AKAP13: variants seen among roughly 807,000 people sequenced by gnomAD.
AKAP13 encodes A-kinase anchoring protein 13.
In AKAP13, 80 loss-of-function variants were observed where a neutral mutation model predicts 264.5. The ratio of observed to expected loss-of-function variants is 0.30; its 90% CI spans 0.25 to 0.36. The LOEUF (loss-of-function observed/expected upper bound fraction) is 0.36. Among genes scored for constraint, AKAP13 ranks in the 10% least tolerant of loss-of-function variants. AKAP13 has a pLI of 1.00. For synonymous variants in AKAP13, 1,380 were observed against 1,250.2 expected, an observed-to-expected ratio of 1.10 and a Z score of -2.19; for missense variants, 3,712 against 3,435.2, an observed-to-expected ratio of 1.08 and a Z score of -2.01.
rs1280228094 is a variant in AKAP13 at position 85,746,209 on chromosome 15, C to T, written c.*1532C>T. ...TGCTTATTGATGAATTGCAAGCTGG[C>T]CTTGCAGATGGAGATATTTATCTTT... On this transcript the variant is annotated 3_prime_UTR_variant, in exon 37 of 37. Coordinates refer to ENST00000394518, the MANE Select transcript of AKAP13 (RefSeq NM_007200.5). 2.0e-5 allele frequency: 3 copies of T among 152,562 alleles called. No homozygotes were observed. Among genetic ancestry groups the T allele is most frequent in the Non-Finnish European group, 2.9e-5 (2 of 68,034 alleles). The allele number at this position is 152,562 out of a possible 1,614,324, so 9.5% of individuals were successfully genotyped here.
At chr15:85,554,343 TAGGAAGGACA>T (rs923113009) in intron 5 of AKAP13, among the ~76,000 whole-genome samples, 9 of 152,214 alleles carry the variant, frequency 5.9e-5, no homozygotes, top group African/African-American at 1.2e-4. Context: ...TTTGGAGAGC[TAGGAAGGACA>T]ATTCATTGGA....
chr15:85,681,795 T>A (rs1406114091), intron 14 of AKAP13, among the ~76,000 whole-genome samples: 1 of 151,920 alleles, frequency 6.6e-6, no homozygotes, highest in African/African-American at 2.4e-5. Flanking sequence ...TATTCTATAT[T>A]CTTCCTATGA....
At chr15:85,699,107 A>G (rs551608759) in intron 17 of AKAP13, among the ~76,000 whole-genome samples, 62 of 152,086 alleles carry the variant, frequency 4.1e-4, no homozygotes, top group African/African-American at 5.8e-4. Context: ...AACAATATAT[A>G]CAGCATGATC....
intron 13 of AKAP13, among the ~76,000 whole-genome samples, chr15:85,667,822 T>C (rs2083686334): frequency 6.6e-6 from 1 of 152,226 alleles, no homozygotes; most frequent in Non-Finnish European, 1.5e-5. Context: ...TTCTTAATAT[T>C]ATTTATGTGA....
chr15:85,511,943 C>G (rs978386035), intron 2 of AKAP13, among the ~76,000 whole-genome samples: 3 of 151,644 alleles, frequency 2.0e-5, no homozygotes, highest in African/African-American at 7.3e-5. Context: ...ATTCTTTTTC[C>G]TTCTTAGGAC....
intron 9 of AKAP13, among the ~76,000 whole-genome samples, chr15:85,641,123 C>G (rs1297252364): frequency 6.6e-6 from 1 of 152,030 alleles, no homozygotes. Context: ...CACACTTCCT[C>G]AAGAGAGCAA....
At chr15:85,594,397 C>T (rs929263185) in intron 8 of AKAP13, among the ~76,000 whole-genome samples, 2 of 152,152 alleles carry the variant, frequency 1.3e-5, no homozygotes, top group Non-Finnish European at 2.9e-5. Context: ...TACAGGTAAA[C>T]ATATAGGTGC....
intron 14 of AKAP13, among the ~76,000 whole-genome samples, chr15:85,673,008 G>A (rs554728093): frequency 6.6e-6 from 1 of 152,260 alleles, no homozygotes; most frequent in South Asian, 2.1e-4. Flanking sequence ...CTGCTTTCCA[G>A]CTTTTACCTG....
chr15:85,399,502 C>CAAAAAAAAAAAAAAAAAAAAAAA (rs71138392), intron 1 of AKAP13, among the ~76,000 whole-genome samples: 1 of 77,080 alleles, frequency 1.3e-5, no homozygotes, highest in Non-Finnish European at 2.4e-5. Flanking sequence ...GACTCCGTCT[C>CAAAAAAAAAAAAAAAAAAAAAAA]AAAAAAAAAA....
rs1302990069 is a variant in AKAP13 at position 85,387,552 on chromosome 15, C to T, written c.-12+6754C>T. Among the ~76,000 whole-genome samples the T allele has an allele frequency of 3.9e-5, 6 of 152,030 alleles. No homozygotes were observed. The East Asian group carries it at 5.8e-4, about 15-fold the overall frequency. The stretch of plus-strand genomic sequence containing the variant: ...GTTGCCCAGGCTGGCCTCAAACTCC[C>T]GGGATGAAGTGATCCTCCCACTGTG... On this transcript the variant is annotated intron_variant, in intron 1 of 36. Transcript: ENST00000394518.
intron 8 of AKAP13, among the ~76,000 whole-genome samples, chr15:85,593,608 A>G (rs1205031062): frequency 1.3e-5 from 2 of 151,540 alleles, no homozygotes; most frequent in Non-Finnish European, 2.9e-5. Context: ...ATGTTTTCCA[A>G]GGTGTTTTGT....
intron 10 of AKAP13, among the ~76,000 whole-genome samples, chr15:85,648,800 C>T (rs1003523022): frequency 6.6e-5 from 10 of 152,280 alleles, no homozygotes; most frequent in South Asian, 4.1e-4. Context: ...GATGGCACCA[C>T]TGCACTCCAG....
At chr15:85,707,840 C>T (rs2086394800) in intron 17 of AKAP13, among the ~76,000 whole-genome samples, 179 bp from the exon 18 acceptor site, 1 of 152,050 alleles carries the variant, frequency 6.6e-6, no homozygotes, top group Admixed American at 6.6e-5. Context: ...TTTTCCTCCT[C>T]CAAATAACAT....
intron 8 of AKAP13, among the ~76,000 whole-genome samples, chr15:85,633,653 C>G (rs964751371): frequency 2.0e-5 from 3 of 150,160 alleles, no homozygotes; most frequent in Admixed American, 6.7e-5. Flanking sequence ...ACGCCATTCT[C>G]CTGCCTCAGC....
rs2089351259 is a variant in AKAP13, at chr15:85,745,772, T to A, written c.*1095T>A. ...TTCAGGCGAAGGGTGAAGCCATGTGTAGCAGTTCCTGCCAGTGCAGATCTG... is the reference window on the plus strand; with the variant it reads ...TTCAGGCGAAGGGTGAAGCCATGTGAAGCAGTTCCTGCCAGTGCAGATCTG... On this transcript the variant is annotated 3_prime_UTR_variant, in exon 37 of 37. Coordinates refer to ENST00000394518, the MANE Select transcript of AKAP13 (RefSeq NM_007200.5). 6.6e-6 allele frequency: 1 copy of A among 152,304 alleles called. No homozygotes were observed. The highest frequency in any genetic ancestry group is 2.4e-5 in the African/African-American group (1 of 41,466). The allele number at this position is 152,304 out of a possible 1,614,324, so 9.4% of individuals were successfully genotyped here. A position where few individuals can be genotyped will look rare whatever the true frequency, so the allele number is the denominator to read the frequency against.
intron 8 of AKAP13, chr15:85,621,393 T>G (rs934704766): frequency 1.9e-4 from 29 of 152,240 alleles, no homozygotes; most frequent in African/African-American, 6.8e-4. Context: ...TCATTTTGGT[T>G]TCTCAGAAAT....
intron 10 of AKAP13, among the ~76,000 whole-genome samples, chr15:85,650,721 A>C (rs563770784): frequency 1.6e-5 from 2 of 123,046 alleles, no homozygotes; most frequent in Admixed American, 1.0e-4. Flanking sequence ...GTGCCACCAT[A>C]CTCCAGCCTG....
At chr15:85,689,416 C>A (rs1210131255) in intron 16 of AKAP13, among the ~76,000 whole-genome samples, 1 of 152,150 alleles carries the variant, frequency 6.6e-6, no homozygotes, top group African/African-American at 2.4e-5. Context: ...ATTGTAATTA[C>A]ATGTATAAAG....
chr15:85,554,751 T>A (rs1290560951), intron 5 of AKAP13, among the ~76,000 whole-genome samples: 2 of 152,194 alleles, frequency 1.3e-5, no homozygotes, highest in East Asian at 1.9e-4. Context: ...ATGACAGATT[T>A]AGTATTTTCA....
Sources: gnomAD v4.1 joint callset for allele counts (sites outside exome capture counted in the v4.1 genomes callset) on GRCh38, gnomAD v4.1.1 for gene constraint, MANE v1.5 for transcripts, NCBI Gene and HGNC (gene_info 2026-07-23, HGNC 2026-07-21) for gene names.